Variants in SLC14A2 observed in about 807,000 individuals in gnomAD.
SLC14A2 encodes the protein urea transporter 2.
A neutral mutation model predicts 104.6 loss-of-function variants in SLC14A2; 91 were observed. The ratio of observed to expected loss-of-function variants is 0.87; its 90% CI spans 0.73 to 1.04. The LOEUF (loss-of-function observed/expected upper bound fraction) is 1.04, where lower values mean the gene tolerates loss of function less well. SLC14A2 is among the 50% of genes least tolerant of loss of function. The probability of loss-of-function intolerance (pLI) is 0.00; values close to 1 mark genes in which losing one functional copy is unlikely to be tolerated. For synonymous variants in SLC14A2, 476 were observed against 466.4 expected (o/e 1.02, Z -0.27); for missense variants, 1,189 against 1,156.0 (o/e 1.03, Z -0.41).
At chr18:45,673,859 CT>C in intron 18 of SLC14A2, 42 bp downstream of exon 18, 1 of 1,590,696 alleles carries the variant, frequency 6.3e-7, no homozygotes, top group Non-Finnish European at 8.6e-7. Context: ...TTATAAAAGG[CT>C]TTTTACATAA....
the SLC14A2 span, among the ~76,000 whole-genome samples, chr18:45,173,323 A>G: frequency 3.9e-5 from 6 of 152,122 alleles, no homozygotes; most frequent in Non-Finnish European, 7.4e-5. Context: ...AACAACATGA[A>G]TGAGACATCA....
chr18:45,641,646 C>T, intron 8 of SLC14A2, among the ~76,000 whole-genome samples: 1 of 152,218 alleles, frequency 6.6e-6, no homozygotes, highest in African/African-American at 2.4e-5. Flanking sequence ...ACTCTTCATT[C>T]AACAACTGTT....
At position 45,223,277 on chromosome 18, in the gene SLC14A2, C is replaced by T. The variant is rs184294463; in HGVS notation, c.-125+10086C>T. Reference sequence around the variant, plus strand: ...CACAATCACTGCGTGTGAGAGGTCACAATGACGGAAGTTCAGGAAGGCAAA... The same window carrying T: ...CACAATCACTGCGTGTGAGAGGTCATAATGACGGAAGTTCAGGAAGGCAAA... On this transcript the variant is annotated intron_variant, in intron 1 of 20. Transcript: ENST00000586448. Among the ~76,000 whole-genome samples the T allele has an allele frequency of 2.9e-3, 448 of 152,128 alleles. 1 individual carries two copies. Among genetic ancestry groups the T allele is most frequent in the Non-Finnish European group, 4.6e-3 (312 of 68,000 alleles).
chr18:45,413,837 G>T (rs978010882), intron 1 of SLC14A2, among the ~76,000 whole-genome samples: 1 of 152,062 alleles, frequency 6.6e-6, no homozygotes, highest in African/African-American at 2.4e-5. Context: ...GTTATCTCAC[G>T]TATAAAATAA....
the SLC14A2 span, among the ~76,000 whole-genome samples, chr18:45,176,245 C>T: frequency 6.6e-6 from 1 of 152,148 alleles, no homozygotes; most frequent in African/African-American, 2.4e-5. Context: ...CTCACAACCA[C>T]AATATGTGAT....
At chr18:45,504,805 A>C (rs2043256192) in intron 2 of SLC14A2, among the ~76,000 whole-genome samples, 1 of 152,172 alleles carries the variant, frequency 6.6e-6, no homozygotes, top group Non-Finnish European at 1.5e-5. Context: ...TAATTTCCCC[A>C]TTGTTCTTCC....
intron 2 of SLC14A2, among the ~76,000 whole-genome samples, chr18:45,510,674 C>T (rs911240941): frequency 2.6e-5 from 4 of 152,144 alleles, no homozygotes; most frequent in African/African-American, 7.2e-5. Flanking sequence ...TTCTACCCAC[C>T]GAGAGAGGCA....
At chr18:45,517,582 C>T (rs1283645480) in intron 2 of SLC14A2, among the ~76,000 whole-genome samples, 1 of 152,206 alleles carries the variant, frequency 6.6e-6, no homozygotes. Context: ...TGCTGCTATC[C>T]AGCTTGCCGA....
chr18:45,622,153 G>A (rs1568302054), intron 1 of SLC14A2, among the ~76,000 whole-genome samples: 1 of 152,202 alleles, frequency 6.6e-6, no homozygotes, highest in African/African-American at 2.4e-5. Flanking sequence ...TGCGGGGCAT[G>A]GCTTTGAGGA....
At chr18:45,586,467 G>C (rs1223426620) in intron 2 of SLC14A2, among the ~76,000 whole-genome samples, 1 of 152,160 alleles carries the variant, frequency 6.6e-6, no homozygotes, top group Admixed American at 6.5e-5. Flanking sequence ...GGGATTAAAG[G>C]GTCCAGAGCA....
chr18:45,286,345 A>G (rs1454729718), intron 1 of SLC14A2, among the ~76,000 whole-genome samples: 1 of 152,196 alleles, frequency 6.6e-6, no homozygotes, highest in Non-Finnish European at 1.5e-5. Flanking sequence ...CACCTTCAGC[A>G]TCCTCACTCA....
intron 1 of SLC14A2, among the ~76,000 whole-genome samples, chr18:45,226,770 C>T (rs1359596926): frequency 6.6e-6 from 1 of 151,714 alleles, no homozygotes; most frequent in African/African-American, 2.4e-5. Flanking sequence ...ACATATGTAG[C>T]CTGCATGTTG....
intron 1 of SLC14A2, among the ~76,000 whole-genome samples, chr18:45,238,492 A>G (rs1272084332): frequency 6.6e-6 from 1 of 152,218 alleles, no homozygotes; most frequent in Non-Finnish European, 1.5e-5. Flanking sequence ...CTCTACTTCT[A>G]GAAATATAGC....
chr18:45,499,511 T>A lies in SLC14A2; in HGVS notation c.-35+16189T>A, dbSNP rs191961568. ...TATGATCTTGGGCAATTCACCTCTC[T>A]AAACCAAAGTTATCTCCTCTATAAA... On this transcript the variant is annotated intron_variant, in intron 2 of 20. Coordinates refer to the SLC14A2 transcript ENST00000586448. Among the ~76,000 whole-genome samples, 176 of 152,368 alleles carry A rather than the reference T, an allele frequency of 1.2e-3. 4 individuals are homozygous for A. The East Asian group carries it at 0.016, about 14-fold the overall frequency.
chr18:45,267,823 G>A (rs1421992663), intron 1 of SLC14A2, among the ~76,000 whole-genome samples: 1 of 152,144 alleles, frequency 6.6e-6, no homozygotes, highest in Non-Finnish European at 1.5e-5. Flanking sequence ...CAATGACTGT[G>A]ATGGAAACTG....
chr18:45,528,872 C>T (rs1373070945), intron 2 of SLC14A2: 1 of 152,196 alleles, frequency 6.6e-6, no homozygotes, highest in African/African-American at 2.4e-5. Context: ...CTTTGTTTGA[C>T]CAATAAACTA....
intron 1 of SLC14A2, among the ~76,000 whole-genome samples, chr18:45,307,746 T>C (rs1433096895): frequency 6.6e-6 from 1 of 152,202 alleles, no homozygotes; most frequent in Non-Finnish European, 1.5e-5. Context: ...TGAAAACTTG[T>C]AACACTAGAG....
chr18:45,422,663 C>T (rs1339344297), intron 1 of SLC14A2, among the ~76,000 whole-genome samples: 4 of 152,152 alleles, frequency 2.6e-5, no homozygotes, highest in South Asian at 2.1e-4. Context: ...TACAGAGAGA[C>T]AGAAGGCCAA....
At chr18:45,531,602 C>A (rs2043688799) in intron 2 of SLC14A2, among the ~76,000 whole-genome samples, 1 of 151,970 alleles carries the variant, frequency 6.6e-6, no homozygotes, top group South Asian at 2.1e-4. Context: ...GGATATTAGT[C>A]CTTTGTCAGA....
Sources: allele counts gnomAD v4.1 joint callset (sites outside exome capture counted in the v4.1 genomes callset), GRCh38; gene constraint gnomAD v4.1.1; transcripts MANE v1.5; gene names NCBI Gene and HGNC (gene_info 2026-07-23, HGNC 2026-07-21).